Variants in MYCBP2 observed in about 807,000 individuals in gnomAD.
The protein encoded by MYCBP2 is E3 ubiquitin-protein ligase MYCBP2.
In MYCBP2, 120 loss-of-function variants were observed where a neutral mutation model predicts 525.3. The ratio of observed to expected loss-of-function variants is 0.23; its 90% confidence interval spans 0.20 to 0.27. The LOEUF is 0.27. MYCBP2 is among the 10% of genes least tolerant of loss of function. MYCBP2 has a pLI of 1.00. For missense variants in MYCBP2, 4,149 were observed against 5,657.1 expected, an observed-to-expected ratio of 0.73 and a Z score of 8.55; for synonymous variants, 1,894 against 1,955.8, an observed-to-expected ratio of 0.97 and a Z score of 0.83.
At chr13:77,294,465 C>T (rs1230560693) in intron 2 of MYCBP2, among the ~76,000 whole-genome samples, 2 of 151,884 alleles carry the variant, frequency 1.3e-5, no homozygotes, top group Non-Finnish European at 2.9e-5. Context: ...TATAGAAATA[C>T]TGAGAGCAAG....
At chr13:77,119,416 G>C (rs960600747) in intron 55 of MYCBP2, among the ~76,000 whole-genome samples, 13 of 152,038 alleles carry the variant, frequency 8.6e-5, no homozygotes, top group African/African-American at 3.1e-4. Flanking sequence ...TACCTACACG[G>C]GATAGATTTA....
Position 77,161,878 on chromosome 13 carries a change from T to C in MYCBP2, c.6597+28A>G, listed in dbSNP as rs1257829497. On this transcript the variant is annotated intron_variant, in intron 44 of 82. Coordinates refer to ENST00000544440, the MANE Select transcript of MYCBP2 (RefSeq NM_015057.5). ...ATACTTTTTAAATTAATGTACAAAG[T>C]TTATCCTTAAAACATTTGGGACAAT... The C allele has an allele frequency of 3.2e-6, 5 of 1,574,978 alleles. No homozygotes were observed. The African/African-American group carries it at 6.8e-5, about 21-fold the overall frequency.
chr13:77,058,076 G>C lies in MYCBP2; in HGVS notation c.13329+142C>G. Reference sequence around the variant, plus strand: ...AGGATGGTCTCGATCTCCTGACCTCGTGATCCACCTGCCTCGGCCTCCCAA... The same window carrying C: ...AGGATGGTCTCGATCTCCTGACCTCCTGATCCACCTGCCTCGGCCTCCCAA... On this transcript the variant is annotated intron_variant, in intron 78 of 82. Coordinates refer to ENST00000544440, the MANE Select transcript of MYCBP2 (RefSeq NM_015057.5). The surrounding 1 kb of genome is among the most constrained non-coding windows in gnomAD (Gnocchi z 4.1). 1 of 810,440 alleles carries C rather than the reference G, an allele frequency of 1.2e-6. No individual in the cohort carries two copies. Among genetic ancestry groups the C allele is most frequent in the African/African-American group, 1.7e-5 (1 of 57,308 alleles). 50.2% of individuals were successfully genotyped at this position (810,440 alleles called of 1,614,324 possible).
intron 1 of MYCBP2, among the ~76,000 whole-genome samples, chr13:77,302,867 C>G (rs1417272946): frequency 6.6e-6 from 1 of 152,158 alleles, no homozygotes. Flanking sequence ...AATCATAACA[C>G]TCCTAAATTT....
At position 77,098,558 on chromosome 13, in the gene MYCBP2, G is replaced by T. The variant is rs148891027; in HGVS notation, c.8596C>A (p.Arg2866=). Residue 2866 remains arginine, a synonymous_variant, in exon 56 of 83, where the codon CGG becomes AGG. Coordinates refer to ENST00000544440, the MANE Select transcript of MYCBP2 (RefSeq NM_015057.5). The stretch of plus-strand genomic sequence containing the variant: ...TAAGAGTCTGATTTAGAACGTTCCC[G>T]AGGAGGATCAAGCTTTGTCTTAACA... The part of the protein sequence containing the change: ...APVKTKLDPP[R]ERSKSDSYTL... 8.7e-6 allele frequency: 14 copies of T among 1,613,628 alleles called. No homozygotes were observed. Among genetic ancestry groups the T allele is most frequent in the Non-Finnish European group, 1.2e-5 (14 of 1,179,814 alleles).
At chr13:77,285,889 G>GAAAGC (rs1555459792) in intron 3 of MYCBP2, among the ~76,000 whole-genome samples, 7 of 126,044 alleles carry the variant, frequency 5.6e-5, no homozygotes, top group African/African-American at 2.4e-4. Context: ...GAAAGGAAAG[G>GAAAGC]AAAGGAAAGC....
chr13:77,205,172 T>C, intron 26 of MYCBP2, 84 bp downstream of exon 26: 3 of 1,236,922 alleles, frequency 2.4e-6, no homozygotes, highest in Non-Finnish European at 3.1e-6. Context: ...AGGAAAAAAA[T>C]TAGACATTAA....
rs377145676 is a variant in MYCBP2, at chr13:77,081,450, C to T, written c.11395G>A (p.Val3799Met). Residue 3799 changes from valine (V) to methionine (M), a missense_variant, in exon 65 of 83, where the codon GTG (valine) becomes ATG (methionine). Around this residue, in one of 21 missense-constraint regions of MYCBP2, gnomAD observed 509 missense variants for 789.4 expected, o/e 0.64. Transcript: ENST00000544440. The surrounding 1 kb of genome is among the most constrained non-coding windows in gnomAD (Gnocchi z 4.6). The stretch of plus-strand genomic sequence containing the variant: ...ACCCCAAGATCTCGGGAATTGTCCA[C>T]GTGAACAGACACATAGCGGGCATTG... ...GINARYVSVHVDNSRDLGNKV... is the reference protein window; with the variant it reads ...GINARYVSVHMDNSRDLGNKV... 10 of 1,612,052 alleles carry T rather than the reference C, an allele frequency of 6.2e-6. No homozygotes were observed. Among genetic ancestry groups the T allele is most frequent in the East Asian group, 4.5e-5 (2 of 44,874 alleles).
chr13:77,146,314 A>G (rs1391789506), intron 47 of MYCBP2, 97 bp from the exon 48 acceptor site: 1 of 717,596 alleles, frequency 1.4e-6, no homozygotes, highest in East Asian at 3.1e-5. Flanking sequence ...TTGTGAGACA[A>G]CTGGTTATAC....
intron 77 of MYCBP2, among the ~76,000 whole-genome samples, chr13:77,059,279 C>T (rs1299382465): frequency 6.6e-6 from 1 of 151,978 alleles, no homozygotes; most frequent in African/African-American, 2.4e-5. Flanking sequence ...GTTTCTAGTA[C>T]AAAAGTAGAT....
intron 65 of MYCBP2, among the ~76,000 whole-genome samples, chr13:77,079,720 C>A (rs1372288344): frequency 6.6e-6 from 1 of 152,142 alleles, no homozygotes; most frequent in Non-Finnish European, 1.5e-5. Flanking sequence ...ACTCTATTTG[C>A]ATTATCCTTA....
At chr13:77,061,350 G>T (rs773044422) in intron 75 of MYCBP2, 49 bp from the exon 76 acceptor site, 1 of 1,444,086 alleles carries the variant, frequency 6.9e-7, no homozygotes, top group Non-Finnish European at 9.4e-7. Context: ...TTATCACTCT[G>T]AAAGGGAGAG....
At chr13:77,231,634 A>G (rs992988089) in intron 18 of MYCBP2, among the ~76,000 whole-genome samples, 3 of 152,238 alleles carry the variant, frequency 2.0e-5, no homozygotes, top group African/African-American at 7.2e-5. Context: ...TTAACGTTTC[A>G]TTTAAAAATC....
chr13:77,206,158 A>G (rs1399866156), intron 24 of MYCBP2, among the ~76,000 whole-genome samples: 4 of 152,034 alleles, frequency 2.6e-5, no homozygotes, highest in Non-Finnish European at 4.4e-5. Flanking sequence ...TAAAATTTCC[A>G]GTTACAAAAT....
chr13:77,181,622 C>T, intron 33 of MYCBP2, 79 bp downstream of exon 33: 4 of 1,101,974 alleles, frequency 3.6e-6, no homozygotes, highest in Non-Finnish European at 5.3e-6. Context: ...GTTTTATTGC[C>T]TCTGTATAAA....
chr13:77,140,538 C>T (rs898835850), intron 50 of MYCBP2, among the ~76,000 whole-genome samples: 17 of 152,134 alleles, frequency 1.1e-4, no homozygotes, highest in Admixed American at 1.1e-3. Context: ...CTTTAGATTT[C>T]AGAAATTAAC....
Position 77,262,125 on chromosome 13 carries a change from T to C in MYCBP2, c.1575A>G (p.Thr525=), listed in dbSNP as rs774434778. ...GAATTGCTGACTCCTCATCAAATCC[T>C]GTACCTGAAATACGAGACTAATAAA... The part of the protein sequence containing the change: ...DLEKDLHIIS[T]GFDEESAILG... Residue 525 remains threonine, a synonymous_variant, in exon 11 of 83, where the codon ACA becomes ACG. Transcript: ENST00000544440. 6.2e-7 allele frequency: 1 copy of C among 1,607,348 alleles called. No homozygotes were observed. The highest frequency in any genetic ancestry group is 1.1e-5 in the South Asian group (1 of 90,000).
intron 20 of MYCBP2, among the ~76,000 whole-genome samples, chr13:77,222,528 T>C (rs1284091954): frequency 6.6e-6 from 1 of 152,118 alleles, no homozygotes; most frequent in Non-Finnish European, 1.5e-5. Context: ...GATCTGACCC[T>C]GCCTCAGCTC....
intron 20 of MYCBP2, among the ~76,000 whole-genome samples, chr13:77,220,995 A>C (rs1275991352): frequency 3.9e-5 from 6 of 152,208 alleles, no homozygotes; most frequent in African/African-American, 1.4e-4. Flanking sequence ...AACTTTGGGC[A>C]GTTAAAACAA....
Sources: gnomAD v4.1 joint callset for allele counts (sites outside exome capture counted in the v4.1 genomes callset) on GRCh38, gnomAD v4.1.1 for gene constraint, gnomAD v4.1.1 regional missense constraint, Gnocchi (gnomAD v3.1) non-coding constraint, MANE v1.5 for transcripts, NCBI Gene and HGNC (gene_info 2026-07-23, HGNC 2026-07-21) for gene names.